Variants in CDC14A observed in about 807,000 individuals in gnomAD.
CDC14A encodes cell division cycle 14A, also known as dual specificity protein phosphatase CDC14A.
In CDC14A, 53 loss-of-function variants were observed where a neutral mutation model predicts 74.4. The observed-to-expected ratio is 0.71, with a 90% CI of 0.57 to 0.89. The LOEUF is 0.89. Among genes scored for constraint, CDC14A ranks in the 40% least tolerant of loss-of-function variants. The pLI is 0.00. For missense variants in CDC14A, 646 were observed against 713.7 expected (o/e 0.91, Z 1.08); for synonymous variants, 247 against 258.4 (o/e 0.96, Z 0.43).
intron 4 of CDC14A, among the ~76,000 whole-genome samples, chr1:100,402,936 G>A (rs1659467418): frequency 6.6e-6 from 1 of 152,200 alleles, no homozygotes; most frequent in African/African-American, 2.4e-5. Flanking sequence ...GGTAGCTTCT[G>A]AGCTTTGATT....
intron 2 of CDC14A, among the ~76,000 whole-genome samples, chr1:100,356,826 C>T (rs1049863383): frequency 3.6e-5 from 5 of 140,502 alleles, no homozygotes; most frequent in East Asian, 4.3e-4. Flanking sequence ...CGCCACTGCA[C>T]TCTAGCCTGG....
At chr1:100,502,299 T>A (rs1469195690) in intron 15 of CDC14A, among the ~76,000 whole-genome samples, 1 of 152,202 alleles carries the variant, frequency 6.6e-6, no homozygotes, top group Non-Finnish European at 1.5e-5. Flanking sequence ...CCTTTACAGG[T>A]GTACAATTTT....
At chr1:100,428,302 T>C (rs1663198315) in intron 5 of CDC14A, among the ~76,000 whole-genome samples, 1 of 152,098 alleles carries the variant, frequency 6.6e-6, no homozygotes, top group East Asian at 1.9e-4. Context: ...AATTGGAGGG[T>C]AGGTGTGTCA....
intron 2 of CDC14A, among the ~76,000 whole-genome samples, chr1:100,367,977 A>G (rs1327679320): frequency 6.6e-6 from 1 of 152,178 alleles, no homozygotes; most frequent in East Asian, 1.9e-4. Flanking sequence ...CCATTCTCTT[A>G]TGTTCCAAGT....
chr1:100,372,617 G>A (rs368858711), intron 2 of CDC14A, among the ~76,000 whole-genome samples: 2 of 152,294 alleles, frequency 1.3e-5, no homozygotes, highest in Non-Finnish European at 1.5e-5. Context: ...TGAGAATTTA[G>A]CAATTAGGCT....
At chr1:100,417,154 A>G (rs1661641816) in intron 4 of CDC14A, among the ~76,000 whole-genome samples, 1 of 152,222 alleles carries the variant, frequency 6.6e-6, no homozygotes, top group African/African-American at 2.4e-5. Flanking sequence ...CAGGGGCCTG[A>G]TCTTATTGGG....
rs1651254415 is a variant in CDC14A at position 100,352,788 on chromosome 1, C to T, written c.-167C>T. 1 of 1,427,526 alleles carries T rather than the reference C, an allele frequency of 7.0e-7. No individual in the cohort carries two copies. The highest frequency in any genetic ancestry group is 9.1e-7 in the Non-Finnish European group (1 of 1,097,648). The allele number at this position is 1,427,526 out of a possible 1,614,324, so 88.4% of individuals were successfully genotyped here. ...CGGAATGTCCCCGGGGCGCCCGGCG[C>T]GCTGACCCCGAAGCCGCCTCCGCCT... On this transcript the variant is annotated 5_prime_UTR_variant, in exon 1 of 16. Coordinates refer to ENST00000336454, the MANE Select transcript of CDC14A (RefSeq NM_003672.4).
At chr1:100,433,248 T>C in intron 5 of CDC14A, among the ~76,000 whole-genome samples, 1 of 152,216 alleles carries the variant, frequency 6.6e-6, no homozygotes, top group Non-Finnish European at 1.5e-5. Flanking sequence ...GAACTCTTGG[T>C]AATGATCATT....
intron 4 of CDC14A, among the ~76,000 whole-genome samples, chr1:100,410,044 T>C (rs550702066): frequency 6.6e-6 from 1 of 152,130 alleles, no homozygotes; most frequent in African/African-American, 2.4e-5. Flanking sequence ...ACCTTGTCTG[T>C]ATAAAAAATA....
chr1:100,375,108 G>A (rs375879513), intron 2 of CDC14A, among the ~76,000 whole-genome samples: 62 of 152,322 alleles, frequency 4.1e-4, no homozygotes, highest in African/African-American at 1.5e-3. Context: ...GATTGGAAAG[G>A]CTTCATGGAG....
chr1:100,353,032 A>G, intron 1 of CDC14A, 29 bp downstream of exon 1: 4 of 1,611,990 alleles, frequency 2.5e-6, no homozygotes, highest in Non-Finnish European at 3.4e-6. Context: ...GCATCTTCCA[A>G]CGCTTTCTTG....
At chr1:100,420,669 A>G (rs897736166) in intron 4 of CDC14A, among the ~76,000 whole-genome samples, 3 of 152,204 alleles carry the variant, frequency 2.0e-5, no homozygotes, top group Non-Finnish European at 4.4e-5. Flanking sequence ...AATTGATTTA[A>G]GTCAAAAGTA....
intron 4 of CDC14A, among the ~76,000 whole-genome samples, chr1:100,418,923 G>A (rs1198218762): frequency 6.6e-6 from 1 of 152,200 alleles, no homozygotes; most frequent in Non-Finnish European, 1.5e-5. Context: ...GGTAGCTCAC[G>A]CCTGTAATCC....
intron 10 of CDC14A, among the ~76,000 whole-genome samples, chr1:100,470,733 T>A (rs1292739370): frequency 6.6e-6 from 1 of 152,102 alleles, no homozygotes; most frequent in African/African-American, 2.4e-5. Flanking sequence ...GAAATAGAAA[T>A]TGAAACCACA....
chr1:100,469,986 CAACTT>C (rs1332184392), intron 10 of CDC14A, among the ~76,000 whole-genome samples: 1 of 152,074 alleles, frequency 6.6e-6, no homozygotes, highest in Non-Finnish European at 1.5e-5. Context: ...CTCAAGAAAA[CAACTT>C]AATATAAAAT....
chr1:100,416,595 T>C (rs1467086001), intron 4 of CDC14A, among the ~76,000 whole-genome samples: 1 of 152,164 alleles, frequency 6.6e-6, no homozygotes, highest in African/African-American at 2.4e-5. Flanking sequence ...CTGATGTTTG[T>C]ATACATAGAC....
chr1:100,466,131 C>T lies in CDC14A; in HGVS notation c.839-1825C>T, dbSNP rs564598168. Among the ~76,000 whole-genome samples the T allele has an allele frequency of 1.8e-4, 27 of 152,220 alleles. 1 individual carries two copies. Among genetic ancestry groups the T allele is most frequent in the African/African-American group, 6.0e-4 (25 of 41,526 alleles). On this transcript the variant is annotated intron_variant, in intron 9 of 15. Coordinates refer to ENST00000336454, the MANE Select transcript of CDC14A (RefSeq NM_003672.4). ...GAAATTGGAAAATTTCCTGCACCTC[C>T]TTTTTGGTTGTGAGTGTGAACAGGA...
chr1:100,398,721 T>C (rs1304340593), intron 4 of CDC14A, among the ~76,000 whole-genome samples: 13 of 152,296 alleles, frequency 8.5e-5, no homozygotes. Context: ...TGGGTAAATA[T>C]GAATTTATCT....
chr1:100,457,982 AATAAGTT>A (rs1327451752), intron 8 of CDC14A, among the ~76,000 whole-genome samples: 1 of 152,194 alleles, frequency 6.6e-6, no homozygotes, highest in East Asian at 1.9e-4. Flanking sequence ...AATTTTGTAT[AATAAGTT>A]ATAAGTGTCA....
Sources: gnomAD v4.1 joint callset for allele counts (sites outside exome capture counted in the v4.1 genomes callset) on GRCh38, gnomAD v4.1.1 for gene constraint, MANE v1.5 for transcripts, NCBI Gene and HGNC (gene_info 2026-07-23, HGNC 2026-07-21) for gene names.